The following GGA2 variants were observed in gnomAD, a reference collection of about 807,000 sequenced individuals.
GGA2 encodes golgi associated, gamma adaptin ear containing, ARF binding protein 2.
Under a neutral mutation model 79.5 loss-of-function variants are expected in GGA2, and 48 were observed. The observed-to-expected ratio is 0.60, with a 90% CI of 0.48 to 0.77. The LOEUF (loss-of-function observed/expected upper bound fraction) is 0.77, where lower values mean the gene tolerates loss of function less well. Ranked by LOEUF, GGA2 falls within the 30% of genes least tolerant of loss-of-function variation. The pLI, the probability that GGA2 is intolerant of heterozygous loss-of-function variation, is 0.00. For synonymous variants in GGA2, 317 were observed against 302.0 expected, an observed-to-expected ratio of 1.05 and a Z score of -0.51; for missense variants, 770 against 774.0, an observed-to-expected ratio of 0.99 and a Z score of 0.06.
chr16:23,469,662 T>G (rs1331109278), intron 15 of GGA2: 2 of 169,734 alleles, frequency 1.2e-5, no homozygotes, highest in Admixed American at 1.2e-4. Flanking sequence ...CCGGTGAGAG[T>G]TTCTGAGATA....
intron 11 of GGA2, 81 bp downstream of exon 11, chr16:23,479,678 AGCAGGC>A: frequency 6.9e-7 from 1 of 1,454,336 alleles, no homozygotes. Context: ...CTCCCTCAGC[AGCAGGC>A]ATGTGCTCCG....
At chr16:23,469,886 T>C (rs1454447832) in intron 15 of GGA2, 110 bp downstream of exon 15, 2 of 769,030 alleles carry the variant, frequency 2.6e-6, no homozygotes, top group Admixed American at 3.0e-5. Flanking sequence ...TTATCTTCAG[T>C]TAGTTTGAGT....
intron 1 of GGA2, among the ~76,000 whole-genome samples, chr16:23,498,181 G>T (rs1964879450): frequency 6.6e-6 from 1 of 152,030 alleles, no homozygotes; most frequent in Non-Finnish European, 1.5e-5. Context: ...TCAGTAGGGT[G>T]AGGCAGGAGA....
At chr16:23,487,397 G>A (rs767609045) in intron 6 of GGA2, among the ~76,000 whole-genome samples, 2 of 152,156 alleles carry the variant, frequency 1.3e-5, no homozygotes, top group East Asian at 1.9e-4. Context: ...CTGGCAGCTC[G>A]TGGGTAGAGT....
Position 23,470,161 on chromosome 16 carries a change from G to A in GGA2, c.1455C>T (p.Ser485=), listed in dbSNP as rs371782021. ...FVPLESVKPS[S]LPPLIVYDRN... The stretch of plus-strand genomic sequence containing the variant: ...GGTCATACACAATGAGAGGCGGCAG[G>A]CTGCCTGGTATAAAGGGCACAAGCA... Residue 485 remains serine (S), a synonymous_variant, in exon 15 of 17, where the codon AGC becomes AGT. Coordinates refer to ENST00000309859, the MANE Select transcript of GGA2 (RefSeq NM_015044.4). The A allele has an allele frequency of 5.6e-6, 9 of 1,596,352 alleles. No homozygotes were observed. The African/African-American group carries it at 1.2e-4, about 21-fold the overall frequency.
intron 1 of GGA2, among the ~76,000 whole-genome samples, chr16:23,499,908 C>G (rs1286668607): frequency 1.3e-5 from 2 of 152,210 alleles, no homozygotes; most frequent in Non-Finnish European, 2.9e-5. Context: ...AACCACGTGC[C>G]TAGGCTCCCG....
intron 10 of GGA2, chr16:23,480,423 T>C: frequency 2.1e-6 from 1 of 487,350 alleles, no homozygotes; most frequent in Non-Finnish European, 3.7e-6. Flanking sequence ...CTTAGCCATC[T>C]GCTTTTGTGT....
intron 12 of GGA2, 150 bp from the exon 13 acceptor site, chr16:23,478,651 G>C: frequency 1.2e-6 from 1 of 809,668 alleles, no homozygotes; most frequent in Non-Finnish European, 2.1e-6. Flanking sequence ...GAAAGGGCAA[G>C]ATCACATGCA....
At chr16:23,519,697 C>A in intron 1 of GGA2, 1 of 330,506 alleles carries the variant, frequency 3.0e-6, no homozygotes, top group Admixed American at 3.8e-5. Context: ...AGAAACTGTG[C>A]CATCTCAGAG....
chr16:23,489,320 A>C (rs1964753758), intron 5 of GGA2, among the ~76,000 whole-genome samples: 1 of 152,142 alleles, frequency 6.6e-6, no homozygotes, highest in Non-Finnish European at 1.5e-5. Flanking sequence ...CTGCAGCCTC[A>C]AACTCCTAAG....
rs756260632 is a variant in GGA2 at position 23,467,648 on chromosome 16, A to C, written c.1784T>G (p.Phe595Cys). Residue 595 changes from phenylalanine to cysteine, a missense_variant, in exon 17 of 17, where the codon TTC (phenylalanine) becomes TGC (cysteine). Coordinates refer to ENST00000309859, the MANE Select transcript of GGA2 (RefSeq NM_015044.4). ...KLTFNQGGQP[F>C]SEVGEVKDFP... Reference sequence around the variant, plus strand: ...GTCTTTCACTTCTCCTACTTCGCTGAAAGGCTGTCCACCTTGGTTGAATGT... The same window carrying C: ...GTCTTTCACTTCTCCTACTTCGCTGCAAGGCTGTCCACCTTGGTTGAATGT... 6.2e-7 allele frequency: 1 copy of C among 1,611,274 alleles called. No individual in the cohort carries two copies. The highest frequency in any genetic ancestry group is 1.7e-5 in the Admixed American group (1 of 60,008).
chr16:23,505,294 A>G (rs1964962483), intron 1 of GGA2, among the ~76,000 whole-genome samples: 1 of 152,182 alleles, frequency 6.6e-6, no homozygotes, highest in Non-Finnish European at 1.5e-5. Context: ...CCTCCCTGGT[A>G]GCGCTACCAG....
rs558342853 is a variant in GGA2 at position 23,502,669 on chromosome 16, C to T, written c.92-6891G>A. 4.6e-5 allele frequency among the ~76,000 whole-genome samples: 7 copies of T among 152,316 alleles called. No individual in the cohort carries two copies. The South Asian group carries it at 1.0e-3, about 23-fold the overall frequency. ...ATATGGAGAGGAGCAGCGGTTCTCA[C>T]GGGAGCAGCTTCTGCATCCTGAGGA... is the stretch of plus-strand genomic sequence containing the variant. On this transcript the variant is annotated intron_variant, in intron 1 of 16. Transcript: ENST00000309859.
intron 1 of GGA2, chr16:23,519,693 T>C: frequency 2.9e-6 from 1 of 340,966 alleles, no homozygotes; most frequent in South Asian, 2.0e-5. Context: ...TGTTAGAAAC[T>C]GTGCCATCTC....
intron 1 of GGA2, among the ~76,000 whole-genome samples, chr16:23,500,162 G>C (rs562369403): frequency 5.3e-5 from 8 of 152,340 alleles, no homozygotes; most frequent in African/African-American, 1.7e-4. Flanking sequence ...GCAGCTCAGG[G>C]GAGGCAGCTG....
intron 13 of GGA2, among the ~76,000 whole-genome samples, chr16:23,476,045 T>C (rs996096421): frequency 6.6e-6 from 1 of 152,212 alleles, no homozygotes; most frequent in Non-Finnish European, 1.5e-5. Context: ...GGGCAGTCCC[T>C]GACAATAAGT....
At chr16:23,485,994 C>T (rs779580450) in intron 8 of GGA2, 21 bp downstream of exon 8, 1 of 1,610,128 alleles carries the variant, frequency 6.2e-7, no homozygotes, top group Middle Eastern at 1.7e-4. Context: ...TGTGCAGCCC[C>T]CTGTGTTACA....
chr16:23,476,088 C>T (rs1030689884), intron 13 of GGA2, among the ~76,000 whole-genome samples: 1 of 152,150 alleles, frequency 6.6e-6, no homozygotes, highest in African/African-American at 2.4e-5. Flanking sequence ...GGTGTGATCA[C>T]AAAGGGACTT....
intron 5 of GGA2, 112 bp from the exon 6 acceptor site, chr16:23,488,821 A>G: frequency 1.5e-6 from 1 of 648,724 alleles, no homozygotes; most frequent in Non-Finnish European, 2.7e-6. Context: ...CTAGCAAAGC[A>G]CTGTCAACAG....
Sources: allele counts gnomAD v4.1 joint callset (sites outside exome capture counted in the v4.1 genomes callset), GRCh38; gene constraint gnomAD v4.1.1; transcripts MANE v1.5; gene names NCBI Gene and HGNC (gene_info 2026-07-23, HGNC 2026-07-21).